The following ANKFN1 variants were observed in gnomAD, a reference collection of about 807,000 sequenced individuals.
The protein encoded by ANKFN1 is ankyrin repeat and fibronectin type-III domain-containing protein 1.
Under a neutral mutation model 108.7 loss-of-function variants are expected in ANKFN1, and 74 were observed. The ratio of observed to expected loss-of-function variants is 0.68; its 90% CI spans 0.56 to 0.83. The LOEUF is 0.83. ANKFN1 is among the 40% of genes least tolerant of loss of function. The pLI, the probability that ANKFN1 is intolerant of heterozygous loss-of-function variation, is 0.00. For synonymous variants in ANKFN1, 547 were observed against 516.2 expected (o/e 1.06, Z -0.81); for missense variants, 1,505 against 1,382.3 (o/e 1.09, Z -1.41).
chr17:56,515,232 C>T lies in ANKFN1; in HGVS notation c.*3963C>T, dbSNP rs1047924269. Among the ~76,000 whole-genome samples the T allele has an allele frequency of 2.0e-5, 3 of 152,122 alleles. No homozygotes were observed. The highest frequency in any genetic ancestry group is 6.5e-5 in the Admixed American group (1 of 15,278). On this transcript the variant is annotated 3_prime_UTR_variant, in exon 21 of 21. Coordinates refer to ENST00000682825, the MANE Select transcript of ANKFN1 (RefSeq NM_001370326.1). ...CTCAACTTCGTATGTAGCAGAGCTA[C>T]AGCAAAGAGTGTGTATTTCTTGGTA...
intron 8 of ANKFN1, among the ~76,000 whole-genome samples, chr17:56,423,833 C>T (rs1415270964): frequency 6.6e-6 from 1 of 152,192 alleles, no homozygotes; most frequent in African/African-American, 2.4e-5. Context: ...TATCCATCTG[C>T]ATGCTGGGCT....
At chr17:56,152,260 ATATGTGTGTGTGTGTGTG>A (rs1908695701), upstream of ANKFN1, among the ~76,000 whole-genome samples, 3 of 128,626 alleles carry the variant, frequency 2.3e-5, no homozygotes, top group South Asian at 2.7e-4. Flanking sequence ...ATATATATAT[ATATGTGTGTGTGTGTGTG>A]TGTGTGTGTG....
chr17:56,445,988 A>C (rs1050175145), intron 10 of ANKFN1, among the ~76,000 whole-genome samples: 4 of 152,084 alleles, frequency 2.6e-5, no homozygotes, highest in Non-Finnish European at 5.9e-5. Context: ...TTCTTAATAT[A>C]TTTTCAATTT....
intron 4 of ANKFN1, among the ~76,000 whole-genome samples, chr17:56,053,291 C>A (rs929640768): frequency 6.6e-6 from 1 of 152,090 alleles, no homozygotes; most frequent in Non-Finnish European, 1.5e-5. Flanking sequence ...TTATCCCCCA[C>A]CCCACCTCAC....
At chr17:56,317,934 T>C (rs139636938) in intron 3 of ANKFN1, among the ~76,000 whole-genome samples, 1 of 152,326 alleles carries the variant, frequency 6.6e-6, no homozygotes, top group Non-Finnish European at 1.5e-5. Flanking sequence ...TGAGACACGA[T>C]ACACATTGTC....
intron 3 of ANKFN1, among the ~76,000 whole-genome samples, chr17:56,307,298 G>A (rs1421430746): frequency 2.6e-5 from 4 of 152,142 alleles, no homozygotes; most frequent in Admixed American, 1.3e-4. Context: ...GCAACCTACA[G>A]AATGGGAGAA....
chr17:56,146,723 C>T (rs1327732599), intron 4 of ANKFN1, among the ~76,000 whole-genome samples: 1 of 152,088 alleles, frequency 6.6e-6, no homozygotes, highest in East Asian at 1.9e-4. Flanking sequence ...GGGCCCTGGG[C>T]CAGGAAACCA....
At chr17:56,353,034 A>G (rs1474755684) in intron 5 of ANKFN1, among the ~76,000 whole-genome samples, 1 of 152,166 alleles carries the variant, frequency 6.6e-6, no homozygotes, top group Admixed American at 6.5e-5. Context: ...CTGTGCTAAC[A>G]TTACCTATGC....
At chr17:56,123,829 GAGAGAGACAC>G (rs1906765911) in intron 4 of ANKFN1, among the ~76,000 whole-genome samples, 1 of 138,334 alleles carries the variant, frequency 7.2e-6, no homozygotes, top group Non-Finnish European at 1.6e-5. Flanking sequence ...GTGTGTGACA[GAGAGAGACAC>G]AGAGAGAGAG....
At chr17:56,385,916 T>C (rs1221746597) in intron 8 of ANKFN1, among the ~76,000 whole-genome samples, 1 of 152,156 alleles carries the variant, frequency 6.6e-6, no homozygotes, top group African/African-American at 2.4e-5. Context: ...AGTGTGGCGA[T>C]TCCTCAGGGA....
chr17:56,379,476 C>T (rs373740749), intron 8 of ANKFN1, among the ~76,000 whole-genome samples: 120 of 151,618 alleles, frequency 7.9e-4, no homozygotes, highest in African/African-American at 2.7e-3. Context: ...ATAGTGAGTT[C>T]GATGTATGTC....
chr17:56,175,752 A>G (rs1050065609), intron 1 of ANKFN1, among the ~76,000 whole-genome samples: 6 of 152,140 alleles, frequency 3.9e-5, no homozygotes, highest in Non-Finnish European at 5.9e-5. Context: ...TTATCAATCA[A>G]TGGAGATCTC....
intron 1 of ANKFN1, among the ~76,000 whole-genome samples, chr17:56,158,770 C>A (rs1358269111): frequency 6.6e-6 from 1 of 151,774 alleles, no homozygotes; most frequent in African/African-American, 2.4e-5. Context: ...ATGTATTTTC[C>A]CCCCTAAAAT....
At chr17:56,491,583 A>G (rs1219506838) in intron 18 of ANKFN1, among the ~76,000 whole-genome samples, 1 of 152,166 alleles carries the variant, frequency 6.6e-6, no homozygotes, top group Non-Finnish European at 1.5e-5. Flanking sequence ...AAGACAAGAA[A>G]TGGTCTGTCC....
rs967653064 is a variant in ANKFN1 at position 56,092,162 on chromosome 17, C to T, written c.288+45837C>T. Among the ~76,000 whole-genome samples the T allele has an allele frequency of 9.3e-5, 14 of 151,218 alleles. 1 individual carries two copies. The highest frequency in any genetic ancestry group is 3.4e-4 in the African/African-American group (14 of 41,184). On this transcript the variant is annotated intron_variant, in intron 4 of 12. Coordinates refer to the ANKFN1 transcript ENST00000635860. ...GTTGGTACAAATTAGAAATGGTCTGCACTATATAGAGACCCATCTGCCTAG... is the reference window on the plus strand; with the variant it reads ...GTTGGTACAAATTAGAAATGGTCTGTACTATATAGAGACCCATCTGCCTAG...
intron 1 of ANKFN1, among the ~76,000 whole-genome samples, chr17:56,208,942 A>T (rs1333684643): frequency 6.6e-6 from 1 of 151,910 alleles, no homozygotes; most frequent in African/African-American, 2.4e-5. Context: ...GAGTAGCACG[A>T]TCTCAGCTAA....
At chr17:56,107,160 T>A (rs944665295) in intron 4 of ANKFN1, among the ~76,000 whole-genome samples, 4 of 152,244 alleles carry the variant, frequency 2.6e-5, no homozygotes, top group African/African-American at 9.6e-5. Context: ...GGCAGCTAAG[T>A]TGCTGAAAGA....
chr17:56,153,464 C>A (rs774988202), upstream of ANKFN1: 2 of 1,610,866 alleles, frequency 1.2e-6, no homozygotes, highest in Non-Finnish European at 8.5e-7. Context: ...TTTCCCTCCA[C>A]CCCCCAGGTC....
At chr17:56,342,187 TTC>T (rs1258042530) in intron 4 of ANKFN1, among the ~76,000 whole-genome samples, 2 of 152,024 alleles carry the variant, frequency 1.3e-5, no homozygotes, top group East Asian at 1.9e-4. Flanking sequence ...TATTTGAATA[TTC>T]TCTCTTTTCT....
Sources: allele counts gnomAD v4.1 joint callset (sites outside exome capture counted in the v4.1 genomes callset), GRCh38; gene constraint gnomAD v4.1.1; transcripts MANE v1.5; gene names NCBI Gene and HGNC (gene_info 2026-07-23, HGNC 2026-07-21).